The following ARID3C variants were observed in gnomAD, a reference collection of about 807,000 sequenced individuals.
ARID3C encodes AT-rich interaction domain 3C, also known as AT-rich interactive domain-containing protein 3C.
In ARID3C, 42 loss-of-function variants were observed where a neutral mutation model predicts 37.9. The ratio of observed to expected loss-of-function variants is 1.11; its 90% CI spans 0.87 to 1.43. The LOEUF is 1.43. ARID3C is among the 40% of genes most tolerant of loss of function. The pLI, the probability that ARID3C is intolerant of heterozygous loss-of-function variation, is 0.00. For missense variants in ARID3C, 581 were observed against 548.8 expected, an observed-to-expected ratio of 1.06 and a Z score of -0.59; for synonymous variants, 213 against 228.0, an observed-to-expected ratio of 0.93 and a Z score of 0.59.
chr9:34,622,464 C>T lies in ARID3C; in HGVS notation c.931G>A (p.Glu311Lys). 2 of 1,614,094 alleles carry T rather than the reference C, an allele frequency of 1.2e-6. No individual in the cohort carries two copies. Among genetic ancestry groups the T allele is most frequent in the Admixed American group, 1.7e-5 (1 of 60,016 alleles). Residue 311 changes from glutamate (E) to lysine (K), a missense_variant, in exon 5 of 7, where the codon GAG (glutamate) becomes AAG (lysine). Coordinates refer to ENST00000378909, the Ensembl canonical transcript of ARID3C. ...GGGGGCTCCTCTGGTGCCAATTTCTCCCGTGTAGGTCCCAGTGCCAGGCCC... is the reference window on the plus strand; with the variant it reads ...GGGGGCTCCTCTGGTGCCAATTTCTTCCGTGTAGGTCCCAGTGCCAGGCCC...
At chr9:34,627,594 G>C in intron 1 of ARID3C, 103 bp downstream of exon 2, 1 of 1,030,322 alleles carries the variant, frequency 9.7e-7, no homozygotes, top group Non-Finnish European at 1.4e-6. Flanking sequence ...TTTTCATCTT[G>C]CAGAGGGTGG....
chr9:34,629,065 C>A (rs1820698255), upstream of ARID3C, among the ~76,000 whole-genome samples: 1 of 152,064 alleles, frequency 6.6e-6, no homozygotes, highest in African/African-American at 2.4e-5. Context: ...ACTCGCCGCG[C>A]TGCTTGCGGC....
chr9:34,631,751 T>C (rs545848818), upstream of ARID3C, among the ~76,000 whole-genome samples: 1 of 152,332 alleles, frequency 6.6e-6, no homozygotes, highest in Admixed American at 6.5e-5. Flanking sequence ...TTTCTCACAA[T>C]TCTGTGGGTC....
chr9:34,630,673 C>T (rs1820715049), upstream of ARID3C, among the ~76,000 whole-genome samples: 3 of 152,174 alleles, frequency 2.0e-5, no homozygotes, highest in Admixed American at 1.3e-4. Context: ...GGTGCCTCCT[C>T]CCTGCTCTCC....
intron 1 of ARID3C, among the ~76,000 whole-genome samples, chr9:34,626,431 C>A (rs962202763): frequency 3.3e-5 from 5 of 152,136 alleles, no homozygotes; most frequent in African/African-American, 1.2e-4. Flanking sequence ...GGCACTGGCC[C>A]TGTACCACCT....
chr9:34,623,524 G>A lies in ARID3C; in HGVS notation c.766C>T (p.Pro256Ser), dbSNP rs746297996. The A allele has an allele frequency of 1.9e-6, 3 of 1,562,952 alleles. No homozygotes were observed. Among genetic ancestry groups the A allele is most frequent in the African/African-American group, 2.7e-5 (2 of 72,878 alleles). ...CCAGGGCTGGACTGGGTCGCCGGAG[G>A]GGCGGGGCCGGGACCCAAGGCTGGG... is the stretch of plus-strand genomic sequence containing the variant. Residue 256 changes from proline (P) to serine (S), a missense_variant, in exon 4 of 7, where the codon CCT becomes TCT. Transcript: ENST00000378909.
exon 1 of ARID3C, chr9:34,627,837 C>G (rs1820678177): frequency 6.2e-7 from 1 of 1,608,810 alleles, no homozygotes; most frequent in Non-Finnish European, 8.5e-7. Context: ...CGCTTCTCCT[C>G]ATCTTCTTCA....
chr9:34,630,729 T>TC (rs2132317534), upstream of ARID3C, among the ~76,000 whole-genome samples: 1 of 152,226 alleles, frequency 6.6e-6, no homozygotes, highest in African/African-American at 2.4e-5. Context: ...GTGCCCAGCT[T>TC]CTACTGCAGC....
At chr9:34,629,469 C>G (rs1203016995), upstream of ARID3C, among the ~76,000 whole-genome samples, 2 of 152,242 alleles carry the variant, frequency 1.3e-5, no homozygotes, top group Non-Finnish European at 1.5e-5. Context: ...AGGGGAATCC[C>G]TCTGCAAGAT....
At chr9:34,630,313 G>A (rs62557480), upstream of ARID3C, among the ~76,000 whole-genome samples, 26,813 of 151,946 alleles carry the variant, frequency 0.18, 2,977 homozygotes, top group Non-Finnish European at 0.25. Flanking sequence ...AGGCCTCTCA[G>A]AATTTCTGCT....
At chr9:34,624,658 A>G (rs1218616465) in intron 2 of ARID3C, among the ~76,000 whole-genome samples, 1 of 152,188 alleles carries the variant, frequency 6.6e-6, no homozygotes, top group Non-Finnish European at 1.5e-5. Flanking sequence ...CCCGCCGGCC[A>G]GTCCTGACAA....
chr9:34,621,365 G>T (rs564136773), downstream of ARID3C: 20 of 910,824 alleles, frequency 2.2e-5, no homozygotes, highest in African/African-American at 3.2e-4. Context: ...CCCAGGGCTG[G>T]GTCCCAGAGT....
intron 1 of ARID3C, among the ~76,000 whole-genome samples, chr9:34,627,319 G>A (rs1820668888): frequency 6.6e-6 from 1 of 152,096 alleles, no homozygotes; most frequent in Non-Finnish European, 1.5e-5. Context: ...GGGTGGTGCT[G>A]GCATTGGAAT....
intron 2 of ARID3C, 134 bp downstream of exon 3, chr9:34,625,608 G>A: frequency 2.3e-6 from 2 of 887,974 alleles, no homozygotes; most frequent in South Asian, 1.6e-5. Flanking sequence ...AGGGTCAGAG[G>A]TTAAAGACGC....
chr9:34,622,626 A>G (rs1048839674), intron 4 of ARID3C, 97 bp from the exon 6 acceptor site: 22 of 1,251,542 alleles, frequency 1.8e-5, no homozygotes, highest in Non-Finnish European at 1.8e-5. Context: ...ACTCAAGCTC[A>G]TGTACCAATC....
upstream of ARID3C, among the ~76,000 whole-genome samples, chr9:34,630,467 C>T (rs1173623887): frequency 6.6e-6 from 1 of 152,150 alleles, no homozygotes; most frequent in Admixed American, 6.5e-5. Context: ...GTAGGGGTGA[C>T]ACTTGGCATA....
chr9:34,621,585 A>G (rs1189281743), intron 6 of ARID3C, 27 bp from the exon 8 acceptor site: 7 of 1,539,000 alleles, frequency 4.5e-6, no homozygotes, highest in Non-Finnish European at 6.1e-6. Flanking sequence ...GAGATGGTAG[A>G]GGGCAAAAAC....
intron 1 of ARID3C, 87 bp from the exon 3 acceptor site, chr9:34,625,901 T>G (rs1820648904): frequency 6.8e-7 from 1 of 1,463,712 alleles, no homozygotes. Flanking sequence ...TGAACAAGGG[T>G]CCCTAGCTGA....
At position 34,627,590 on chromosome 9, in the gene ARID3C, T is replaced by C. The variant is rs74662348; in HGVS notation, c.318+107A>G. The C allele has an allele frequency of 2.5e-3, 2,564 of 1,005,670 alleles. 41 individuals carry two copies. In the African/African-American group the frequency reaches 0.034, roughly 13 times the overall value. The allele number at this position is 1,005,670 out of a possible 1,614,324, so 62.3% of individuals were successfully genotyped here. On this transcript the variant is annotated intron_variant, in intron 1 of 6. Coordinates refer to ENST00000378909, the Ensembl canonical transcript of ARID3C. ...CTCCGTGTCTCTGTGTCTCTTTTCA[T>C]CTTGCAGAGGGTGGTGGGGGTGGGT...
Sources: gnomAD v4.1 joint callset for allele counts (sites outside exome capture counted in the v4.1 genomes callset) on GRCh38, gnomAD v4.1.1 for gene constraint, MANE v1.5 for transcripts, NCBI Gene and HGNC (gene_info 2026-07-23, HGNC 2026-07-21) for gene names.